The following NEGR1 variants were observed in gnomAD, a reference collection of about 807,000 sequenced individuals.
NEGR1 encodes the protein neuronal growth regulator 1, also known as IgLON family member 4.
Under a neutral mutation model 40.9 loss-of-function variants are expected in NEGR1, and 10 were observed. The observed-to-expected ratio is 0.24, with a 90% confidence interval of 0.15 to 0.42. The LOEUF is 0.42. NEGR1 is among the 10% of genes least tolerant of loss of function. The probability of loss-of-function intolerance (pLI) is 1.00; values close to 1 mark genes in which losing one functional copy is unlikely to be tolerated. For missense variants in NEGR1, 352 were observed against 438.9 expected (o/e 0.80, Z 1.77); for synonymous variants, 185 against 166.8 (o/e 1.11, Z -0.84).
At chr1:72,260,238 G>A (rs1253265870) in intron 1 of NEGR1, among the ~76,000 whole-genome samples, 2 of 151,920 alleles carry the variant, frequency 1.3e-5, no homozygotes, top group Admixed American at 6.6e-5. Context: ...TTAGCTTCCC[G>A]CAAAGGGTTT....
At chr1:72,278,567 C>A (rs1028131865) in intron 1 of NEGR1, among the ~76,000 whole-genome samples, 1 of 151,810 alleles carries the variant, frequency 6.6e-6, no homozygotes, top group African/African-American at 2.4e-5. Flanking sequence ...TTTTAAGTCT[C>A]CTGAAATTTA....
chr1:72,011,787 G>A (rs376277956), intron 1 of NEGR1, among the ~76,000 whole-genome samples: 16 of 152,124 alleles, frequency 1.1e-4, no homozygotes, highest in East Asian at 9.7e-4. Context: ...CTTAAACAAT[G>A]AGTCGGAGTA....
At chr1:71,498,437 G>A (rs188670254) in intron 6 of NEGR1, among the ~76,000 whole-genome samples, 1 of 152,070 alleles carries the variant, frequency 6.6e-6, no homozygotes, top group African/African-American at 2.4e-5. Context: ...ATAAAGAAAA[G>A]GGATGTACAT....
chr1:71,579,488 A>G (rs943737171), intron 6 of NEGR1, among the ~76,000 whole-genome samples: 1 of 152,228 alleles, frequency 6.6e-6, no homozygotes, highest in Non-Finnish European at 1.5e-5. Context: ...TGTCCCAAGC[A>G]TGCAGTCTAC....
chr1:71,536,887 A>C (rs112484893), intron 6 of NEGR1, among the ~76,000 whole-genome samples: 186 of 151,894 alleles, frequency 1.2e-3, no homozygotes, highest in African/African-American at 4.2e-3. Flanking sequence ...AATATAGTCA[A>C]GCTCTTTTGT....
At chr1:71,604,773 G>C (rs2101535778) in intron 5 of NEGR1, among the ~76,000 whole-genome samples, 1 of 151,970 alleles carries the variant, frequency 6.6e-6, no homozygotes, top group East Asian at 1.9e-4. Context: ...CATATTTTAT[G>C]CACCTAGATA....
intron 6 of NEGR1, among the ~76,000 whole-genome samples, chr1:71,535,865 T>A (rs1647493354): frequency 6.6e-6 from 1 of 151,742 alleles, no homozygotes. Context: ...GAAAGCAAGT[T>A]AATGAATCTC....
chr1:72,191,065 G>A lies in NEGR1; in HGVS notation c.176+91254C>T, dbSNP rs1003828645. On this transcript the variant is annotated intron_variant, in intron 1 of 6. Transcript: ENST00000357731. The stretch of plus-strand genomic sequence containing the variant: ...GGTAAAAGTTTTACTTATAGTAAAG[G>A]TTTATATAATGATTCAGTATTGATT... Among the ~76,000 whole-genome samples the A allele has an allele frequency of 3.3e-5, 5 of 151,568 alleles. No homozygotes were observed. The East Asian group carries it at 9.8e-4, about 30-fold the overall frequency.
chr1:71,976,471 T>A (rs573304620), intron 1 of NEGR1, among the ~76,000 whole-genome samples: 38 of 152,366 alleles, frequency 2.5e-4, no homozygotes, highest in African/African-American at 8.4e-4. Context: ...TGGATTCAGA[T>A]GCAGGGTTTC....
intron 6 of NEGR1, among the ~76,000 whole-genome samples, chr1:71,499,518 AT>A (rs1317185012): frequency 1.3e-5 from 2 of 148,202 alleles, no homozygotes; most frequent in African/African-American, 4.9e-5. Flanking sequence ...ATATATTATT[AT>A]TATATATATA....
At chr1:71,560,905 A>G (rs1399571553) in intron 6 of NEGR1, among the ~76,000 whole-genome samples, 3 of 151,596 alleles carry the variant, frequency 2.0e-5, no homozygotes, top group Non-Finnish European at 4.4e-5. Flanking sequence ...GAAATAATGT[A>G]TCTTTTTCTG....
At chr1:71,775,700 T>C (rs1319473629) in intron 3 of NEGR1, among the ~76,000 whole-genome samples, 2 of 151,322 alleles carry the variant, frequency 1.3e-5, no homozygotes, top group Non-Finnish European at 2.9e-5. Flanking sequence ...AGTATAAAAA[T>C]ATGCATTTTG....
intron 1 of NEGR1, among the ~76,000 whole-genome samples, chr1:72,139,688 TC>T (rs1650600334): frequency 6.6e-6 from 1 of 152,062 alleles, no homozygotes; most frequent in South Asian, 2.1e-4. Context: ...CAATAAAAAG[TC>T]GATCAGTGTT....
chr1:72,216,650 T>G (rs1557583033), intron 1 of NEGR1, among the ~76,000 whole-genome samples: 1 of 151,132 alleles, frequency 6.6e-6, no homozygotes, highest in East Asian at 1.9e-4. Context: ...AAACAATTTT[T>G]ACATTTCTGA....
chr1:72,117,372 TCATAC>T (rs1378053330), intron 1 of NEGR1, among the ~76,000 whole-genome samples: 1 of 151,844 alleles, frequency 6.6e-6, no homozygotes, highest in Non-Finnish European at 1.5e-5. Context: ...CCTCTATTAT[TCATAC>T]CAGCAGTGTT....
intron 1 of NEGR1, among the ~76,000 whole-genome samples, chr1:72,056,357 C>G (rs1647110232): frequency 1.3e-5 from 2 of 151,148 alleles, no homozygotes; most frequent in South Asian, 2.1e-4. Context: ...TCTGGCAATA[C>G]AAGGAGGGTT....
chr1:72,278,902 T>C (rs574719225), intron 1 of NEGR1, among the ~76,000 whole-genome samples: 2 of 152,204 alleles, frequency 1.3e-5, no homozygotes, highest in Non-Finnish European at 2.9e-5. Context: ...ACATCATATA[T>C]TTTTTAAATA....
rs540058773 is a variant in NEGR1 at position 71,461,627 on chromosome 1, T to C, written c.941-54057A>G. The stretch of plus-strand genomic sequence containing the variant: ...ATGTCTAATCTTCCCATCTGACTTA[T>C]ATAAATGTCACAAATGAATCTCAGA... On this transcript the variant is annotated intron_variant, in intron 6 of 6. Transcript: ENST00000357731. 13 of 152,328 alleles carry C rather than the reference T, an allele frequency of 8.5e-5. No homozygotes were observed. In the South Asian group the frequency reaches 2.1e-3, roughly 24 times the overall value. The allele number at this position is 152,328 out of a possible 1,614,324, so 9.4% of individuals were successfully genotyped here.
chr1:71,946,640 T>G (rs1487636875), intron 1 of NEGR1, among the ~76,000 whole-genome samples: 2 of 152,148 alleles, frequency 1.3e-5, no homozygotes, highest in Non-Finnish European at 2.9e-5. Flanking sequence ...CTAATTTTTC[T>G]TTAAAGCCTT....
Sources: allele counts gnomAD v4.1 joint callset (sites outside exome capture counted in the v4.1 genomes callset), GRCh38; gene constraint gnomAD v4.1.1; transcripts MANE v1.5; gene names NCBI Gene and HGNC (gene_info 2026-07-23, HGNC 2026-07-21).